The following ARHGEF11 variants were observed in gnomAD, a reference collection of about 807,000 sequenced individuals.
ARHGEF11 encodes the protein Rho guanine nucleotide exchange factor 11, also known as Rho guanine exchange factor (GEF) 11.
In ARHGEF11, 55 loss-of-function variants were observed where a neutral mutation model predicts 193.7. That is an observed-to-expected ratio of 0.28 (90% CI 0.23 to 0.36). The LOEUF is 0.36. Ranked by LOEUF, ARHGEF11 falls within the 10% of genes least tolerant of loss-of-function variation. ARHGEF11 has a pLI of 1.00. For missense variants in ARHGEF11, 1,723 were observed against 2,005.6 expected (o/e 0.86, Z 2.69); for synonymous variants, 693 against 768.0 (o/e 0.90, Z 1.62).
chr1:156,936,588 T>C (rs996550435), intron 40 of ARHGEF11, among the ~76,000 whole-genome samples: 1 of 148,496 alleles, frequency 6.7e-6, no homozygotes, highest in Non-Finnish European at 1.5e-5. Context: ...GTTACCTCCA[T>C]AGCACAAGGA....
chr1:156,956,274 G>T, intron 19 of ARHGEF11, 146 bp downstream of exon 19: 2 of 799,438 alleles, frequency 2.5e-6, no homozygotes, highest in Non-Finnish European at 4.0e-6. Context: ...GCACCACTAT[G>T]CTGGACTAAT....
In ARHGEF11 at chr1:156,955,796, T is replaced by C. The variant is rs765160346; in HGVS notation, c.1675A>G (p.Ser559Gly). 3 of 1,613,738 alleles carry C rather than the reference T, an allele frequency of 1.9e-6. No homozygotes were observed. Among genetic ancestry groups the C allele is most frequent in the Non-Finnish European group, 1.7e-6 (2 of 1,179,694 alleles). Residue 559 changes from serine (S) to glycine (G), a missense_variant, in exon 20 of 41, where the codon AGC becomes GGC. Physicochemically the swap from Ser to Gly is moderately conservative, Grantham distance 56. Coordinates refer to ENST00000368194, the MANE Select transcript of ARHGEF11 (RefSeq NM_198236.3). ...LPFFPKTKKSSNSKKEKDALE... is the reference protein window; with the variant it reads ...LPFFPKTKKSGNSKKEKDALE... The stretch of plus-strand genomic sequence containing the variant: ...GCATCCTTTTCTTTCTTGGAATTGC[T>C]GCTCTGCTGAGACAGGAGACACTGG...
At chr1:156,959,923 AACCCCCCC>A (rs1660550579) in intron 15 of ARHGEF11, among the ~76,000 whole-genome samples, 1 of 74,164 alleles carries the variant, frequency 1.3e-5, no homozygotes, top group Non-Finnish European at 2.7e-5. Flanking sequence ...AAACAAAAAT[AACCCCCCC>A]TCCCCCCCCC....
chr1:156,981,456 C>G (rs1047549818), intron 3 of ARHGEF11, among the ~76,000 whole-genome samples: 10 of 152,162 alleles, frequency 6.6e-5, no homozygotes, highest in African/African-American at 2.2e-4. Flanking sequence ...CTGGAGGCTA[C>G]AGTGGTTTTG....
chr1:156,952,251 CA>C (rs2102006567), intron 21 of ARHGEF11, among the ~76,000 whole-genome samples: 1 of 152,230 alleles, frequency 6.6e-6, no homozygotes, highest in African/African-American at 2.4e-5. Flanking sequence ...CTAGGAGGAA[CA>C]GAGGAGAGAC....
At chr1:157,002,304 T>A (rs1275702342) in intron 1 of ARHGEF11, among the ~76,000 whole-genome samples, 1 of 152,204 alleles carries the variant, frequency 6.6e-6, no homozygotes, top group Non-Finnish European at 1.5e-5. Flanking sequence ...CAACAGCGAC[T>A]GAGCAATCAG....
At chr1:156,963,155 TGCCCAGTACCA>T in intron 13 of ARHGEF11, 37 bp downstream of exon 13, 1 of 1,447,124 alleles carries the variant, frequency 6.9e-7, no homozygotes, top group Non-Finnish European at 9.7e-7. Flanking sequence ...AGGTCCTCTC[TGCCCAGTACCA>T]GCAGGCACTC....
rs538289035 is a variant in ARHGEF11 at position 157,013,670 on chromosome 1, C to T, written c.33-27497G>A. ...TTCATGACTTTCACTCCCATCCCCA[C>T]CTCCACTACTCACACCCAGAACTAC... On this transcript the variant is annotated intron_variant, in intron 1 of 40. Coordinates refer to ENST00000368194, the MANE Select transcript of ARHGEF11 (RefSeq NM_198236.3). Among the ~76,000 whole-genome samples the T allele has an allele frequency of 4.6e-5, 7 of 151,882 alleles. No individual in the cohort carries two copies. The South Asian group carries it at 1.5e-3, about 32-fold the overall frequency.
At position 156,956,474 on chromosome 1, in the gene ARHGEF11, G is replaced by A; in HGVS notation, c.1617C>T (p.Ala539=). 1 of 1,614,124 alleles carries A rather than the reference G, an allele frequency of 6.2e-7. No individual in the cohort carries two copies. The highest frequency in any genetic ancestry group is 8.5e-7 in the Non-Finnish European group (1 of 1,180,032). ...EARPSNTAEK[A]QSAPDKDKWL... ...ACTTGTCCTTGTCAGGAGCAGACTGGGCCTTTTCAGCTGTGTTGGAAGGTC... is the reference window on the plus strand; with the variant it reads ...ACTTGTCCTTGTCAGGAGCAGACTGAGCCTTTTCAGCTGTGTTGGAAGGTC... Residue 539 remains alanine (A), a synonymous_variant, in exon 19 of 41, where the codon GCC becomes GCT. Coordinates refer to ENST00000368194, the MANE Select transcript of ARHGEF11 (RefSeq NM_198236.3).
At chr1:156,947,533 C>T in intron 25 of ARHGEF11, 83 bp from the exon 26 acceptor site, 1 of 1,448,948 alleles carries the variant, frequency 6.9e-7, no homozygotes, top group Non-Finnish European at 9.1e-7. Flanking sequence ...ACCTGGTTCC[C>T]ACACCACTCT....
chr1:156,962,771 C>T (rs1472501493), intron 13 of ARHGEF11, among the ~76,000 whole-genome samples: 7 of 145,244 alleles, frequency 4.8e-5, no homozygotes, highest in Non-Finnish European at 3.0e-5. Context: ...CCCAGCTACT[C>T]GGGGGGCTGA....
In ARHGEF11 at chr1:157,017,725, A is replaced by G. The variant is rs527887998; in HGVS notation, c.32+26574T>C. 5.0e-3 allele frequency among the ~76,000 whole-genome samples: 755 copies of G among 150,590 alleles called. 21 individuals are homozygous for G. The East Asian group carries it at 0.081, about 16-fold the overall frequency. On this transcript the variant is annotated intron_variant, in intron 1 of 40. Transcript: ENST00000368194. ...CCGTCTCAAAAAAAAAAAAAAAAAA[A>G]AAAAAAGAAACGGAGAAGAGGATTT...
intron 37 of ARHGEF11, 83 bp from the exon 38 acceptor site, chr1:156,938,596 G>A: frequency 7.4e-7 from 1 of 1,347,362 alleles, no homozygotes; most frequent in Non-Finnish European, 1.0e-6. Flanking sequence ...AAGGAGAGAG[G>A]GCAGGAGGTG....
intron 2 of ARHGEF11, 53 bp from the exon 3 acceptor site, chr1:156,984,490 ACACATGC>A: frequency 7.0e-7 from 1 of 1,429,300 alleles, no homozygotes; most frequent in Non-Finnish European, 9.6e-7. Context: ...AGGTTAGTGT[ACACATGC>A]CAAGACCAAC....
intron 1 of ARHGEF11, among the ~76,000 whole-genome samples, chr1:157,036,108 T>C (rs1014207384): frequency 4.2e-5 from 6 of 144,282 alleles, no homozygotes; most frequent in African/African-American, 1.5e-4. Context: ...TATATGAATA[T>C]ATATGAATAT....
intron 1 of ARHGEF11, among the ~76,000 whole-genome samples, chr1:156,987,895 A>G (rs1347624132): frequency 6.6e-6 from 1 of 152,168 alleles, no homozygotes; most frequent in Non-Finnish European, 1.5e-5. Context: ...AAAAACCACA[A>G]CAGAGCCAAG....
chr1:157,020,394 T>C (rs992458860), intron 1 of ARHGEF11, among the ~76,000 whole-genome samples: 5 of 152,218 alleles, frequency 3.3e-5, no homozygotes, highest in Non-Finnish European at 7.3e-5. Context: ...TACTCAATTA[T>C]AGAGATGCAG....
chr1:156,970,389 T>G (rs1187998662), intron 8 of ARHGEF11, among the ~76,000 whole-genome samples: 1 of 152,188 alleles, frequency 6.6e-6, no homozygotes, highest in Admixed American at 6.5e-5. Flanking sequence ...AGGGAAGATA[T>G]AAAAGGTTTA....
rs748708118 is a variant in ARHGEF11, at chr1:156,951,579, C to T, written c.1919G>A (p.Ser640Asn). ...TGSFPEDLLE[S>N]DSSRSEIRLG... Reference sequence around the variant, plus strand: ...CCCATCCAGCCAGTGCTACCTGTCACTCTCCAGCAGGTCCTCAGGAAAGCT... The same window carrying T: ...CCCATCCAGCCAGTGCTACCTGTCATTCTCCAGCAGGTCCTCAGGAAAGCT... Residue 640 changes from serine (S) to asparagine (N), a missense_variant, in exon 22 of 41, where the codon AGT becomes AAT. Ser to Asn is a conservative substitution (Grantham distance 46). Around this residue, in one of 5 missense-constraint regions of ARHGEF11, gnomAD observed 491 missense variants for 654.5 expected, o/e 0.75. Transcript: ENST00000368194. 17 of 1,614,008 alleles carry T rather than the reference C, an allele frequency of 1.1e-5. No individual in the cohort carries two copies. The highest frequency in any genetic ancestry group is 4.5e-5 in the East Asian group (2 of 44,888).
Sources: allele counts gnomAD v4.1 joint callset (sites outside exome capture counted in the v4.1 genomes callset), GRCh38; gene constraint gnomAD v4.1.1; regional missense constraint gnomAD v4.1.1; transcripts MANE v1.5; gene names NCBI Gene and HGNC (gene_info 2026-07-23, HGNC 2026-07-21).